The following SLC25A21 variants were observed in gnomAD, a reference collection of about 807,000 sequenced individuals.
SLC25A21 encodes solute carrier family 25 member 21.
Under a neutral mutation model 43.8 loss-of-function variants are expected in SLC25A21, and 47 were observed. That is an observed-to-expected ratio of 1.07 (90% CI 0.85 to 1.37). The LOEUF (loss-of-function observed/expected upper bound fraction) is 1.37. SLC25A21 is among the 40% of genes most tolerant of loss of function. SLC25A21 has a pLI of 0.00. For synonymous variants in SLC25A21, 131 were observed against 121.3 expected (o/e 1.08, Z -0.52); for missense variants, 352 against 350.2 (o/e 1.00, Z -0.04).
intron 1 of SLC25A21, among the ~76,000 whole-genome samples, chr14:37,029,953 T>A (rs1422572001): frequency 6.6e-6 from 1 of 151,538 alleles, no homozygotes; most frequent in African/African-American, 2.4e-5. Context: ...TTAGTAGAGA[T>A]GAGATTTCAC....
chr14:37,124,538 G>A (rs770573548), intron 1 of SLC25A21, among the ~76,000 whole-genome samples: 22 of 152,170 alleles, frequency 1.4e-4, no homozygotes, highest in Non-Finnish European at 3.2e-4. Context: ...TCCTAAGCAT[G>A]TGGCTGTGCT....
intron 1 of SLC25A21, among the ~76,000 whole-genome samples, chr14:37,111,960 T>A (rs1026063695): frequency 6.6e-6 from 1 of 152,200 alleles, no homozygotes; most frequent in African/African-American, 2.4e-5. Flanking sequence ...TAACTGTTCA[T>A]TCAATAAATT....
intron 3 of SLC25A21, among the ~76,000 whole-genome samples, chr14:36,786,230 A>AG (rs1393378584): frequency 1.3e-5 from 2 of 152,208 alleles, no homozygotes; most frequent in African/African-American, 4.8e-5. Context: ...ATGTGTGTAA[A>AG]GGACCCTGCA....
rs150049839 is a variant in SLC25A21 at position 36,719,394 on chromosome 14, C to G, written c.438+6176G>C. 8.9e-4 allele frequency among the ~76,000 whole-genome samples: 136 copies of G among 152,284 alleles called. 2 individuals carry two copies. In the East Asian group the frequency reaches 0.02, roughly 23 times the overall value. ...GTCCCAAGCCAAAGAGACAACAGAT[C>G]AGAACAACTCTTTGCCTGGGTTTAG... is the stretch of plus-strand genomic sequence containing the variant. On this transcript the variant is annotated intron_variant, in intron 6 of 9. Coordinates refer to ENST00000331299, the MANE Select transcript of SLC25A21 (RefSeq NM_030631.4).
intron 3 of SLC25A21, chr14:36,788,715 T>C (rs1887340055): frequency 2.0e-5 from 3 of 151,976 alleles, no homozygotes; most frequent in Non-Finnish European, 4.4e-5. Flanking sequence ...AATCTTTGGA[T>C]TCTGATGATA....
chr14:37,169,427 C>T (rs1442029076), intron 1 of SLC25A21, among the ~76,000 whole-genome samples: 1 of 152,042 alleles, frequency 6.6e-6, no homozygotes, highest in African/African-American at 2.4e-5. Context: ...CCTCAGCACT[C>T]CAGCCCCTTA....
chr14:36,861,770 G>A (rs1007860439), intron 2 of SLC25A21, among the ~76,000 whole-genome samples: 2 of 152,180 alleles, frequency 1.3e-5, no homozygotes, highest in Non-Finnish European at 2.9e-5. Flanking sequence ...TTTTAAGCTA[G>A]AGCTAATCTC....
chr14:36,707,022 TTG>T (rs1418463164), intron 7 of SLC25A21, among the ~76,000 whole-genome samples: 1 of 152,232 alleles, frequency 6.6e-6, no homozygotes, highest in Non-Finnish European at 1.5e-5. Context: ...TCTGATCCCC[TTG>T]TGTCTCTCTA....
chr14:37,092,863 G>T (rs1245316369), intron 1 of SLC25A21, among the ~76,000 whole-genome samples: 2 of 151,854 alleles, frequency 1.3e-5, no homozygotes, highest in South Asian at 2.1e-4. Flanking sequence ...GTACCCAAGA[G>T]AATTCTGATA....
At chr14:36,863,811 T>C (rs1177590136) in intron 2 of SLC25A21, among the ~76,000 whole-genome samples, 1 of 152,226 alleles carries the variant, frequency 6.6e-6, no homozygotes, top group African/African-American at 2.4e-5. Context: ...CGTGGAGCAC[T>C]ACCTATGGAT....
At chr14:36,779,609 C>CATAT (rs35392668) in intron 3 of SLC25A21, among the ~76,000 whole-genome samples, 6,117 of 122,104 alleles carry the variant, frequency 0.05, 279 homozygotes, top group Non-Finnish European at 0.067. Context: ...TATGTGTATA[C>CATAT]ATATATATAT....
At chr14:36,865,067 A>G (rs115122897) in intron 2 of SLC25A21, among the ~76,000 whole-genome samples, 266 of 149,580 alleles carry the variant, frequency 1.8e-3, no homozygotes, top group African/African-American at 6.2e-3. Flanking sequence ...GGGAAAAGAG[A>G]CTTCATTCCG....
intron 1 of SLC25A21, among the ~76,000 whole-genome samples, chr14:36,901,291 T>G (rs1376410467): frequency 6.6e-6 from 1 of 152,088 alleles, no homozygotes; most frequent in African/African-American, 2.4e-5. Context: ...GTAGAAAAGG[T>G]TAAATAAACA....
intron 1 of SLC25A21, among the ~76,000 whole-genome samples, chr14:36,972,002 T>C (rs918940619): frequency 6.6e-6 from 1 of 152,186 alleles, no homozygotes; most frequent in Non-Finnish European, 1.5e-5. Flanking sequence ...TATACAGTTA[T>C]GTGCTAAATA....
intron 1 of SLC25A21, among the ~76,000 whole-genome samples, chr14:37,073,353 T>C (rs1199872947): frequency 6.6e-6 from 1 of 152,234 alleles, no homozygotes; most frequent in Non-Finnish European, 1.5e-5. Context: ...GGGTCATCAT[T>C]TCTTTCTCTT....
At chr14:36,986,498 A>G (rs1303428242) in intron 1 of SLC25A21, among the ~76,000 whole-genome samples, 1 of 152,176 alleles carries the variant, frequency 6.6e-6, no homozygotes, top group East Asian at 1.9e-4. Flanking sequence ...ACTTCCCACA[A>G]TGCGGTTGCT....
At chr14:37,167,894 C>T (rs567087623) in intron 1 of SLC25A21, among the ~76,000 whole-genome samples, 34 of 152,152 alleles carry the variant, frequency 2.2e-4, no homozygotes, top group African/African-American at 7.7e-4. Flanking sequence ...CTAGCTGCAC[C>T]GCTCCCCCCA....
At chr14:36,718,909 C>T (rs1336741970) in intron 6 of SLC25A21, among the ~76,000 whole-genome samples, 4 of 152,074 alleles carry the variant, frequency 2.6e-5, no homozygotes, top group Non-Finnish European at 4.4e-5. Context: ...GTAAAACAGG[C>T]TTTTACAGTT....
chr14:36,728,066 G>A (rs773373230), intron 5 of SLC25A21, among the ~76,000 whole-genome samples: 70 of 152,258 alleles, frequency 4.6e-4, no homozygotes, highest in Non-Finnish European at 8.4e-4. Context: ...TCAGATATCA[G>A]CAGATCATGT....
Sources: gnomAD v4.1 joint callset for allele counts (sites outside exome capture counted in the v4.1 genomes callset) on GRCh38, gnomAD v4.1.1 for gene constraint, MANE v1.5 for transcripts, NCBI Gene and HGNC (gene_info 2026-07-23, HGNC 2026-07-21) for gene names.